CEP112: variants seen among roughly 807,000 people sequenced by gnomAD.
The protein encoded by CEP112 is centrosomal protein of 112 kDa.
CEP112 carries 127 observed loss-of-function variants against 153.0 expected under a neutral mutation model. That is an observed-to-expected ratio of 0.83 (90% CI 0.72 to 0.96). The LOEUF (loss-of-function observed/expected upper bound fraction) is 0.96. CEP112 is among the 40% of genes least tolerant of loss of function. CEP112 has a pLI of 0.00. For synonymous variants in CEP112, 358 were observed against 374.4 expected, an observed-to-expected ratio of 0.96 and a Z score of 0.51; for missense variants, 1,089 against 1,101.2, an observed-to-expected ratio of 0.99 and a Z score of 0.16.
chr17:65,790,190 T>G (rs1174727901), intron 21 of CEP112, among the ~76,000 whole-genome samples: 1 of 152,162 alleles, frequency 6.6e-6, no homozygotes, highest in Non-Finnish European at 1.5e-5. Flanking sequence ...TTGACATTTG[T>G]GTCCTAAAGG....
In CEP112 at chr17:65,664,557, G is replaced by A. The variant is rs180744095; in HGVS notation, c.2698-23492C>T. 1.7e-3 allele frequency among the ~76,000 whole-genome samples: 262 copies of A among 152,322 alleles called. 1 individual carries two copies. Among genetic ancestry groups the A allele is most frequent in the South Asian group, 0.012 (58 of 4,824 alleles). Reference sequence around the variant, plus strand: ...TCCAAGGTGATTAAGAGTCAAAGATGTCCATGGGGAGAACGGAGATGATGA... The same window carrying A: ...TCCAAGGTGATTAAGAGTCAAAGATATCCATGGGGAGAACGGAGATGATGA... On this transcript the variant is annotated intron_variant, in intron 24 of 26. Transcript: ENST00000535342.
At chr17:65,648,405 AG>A (rs2143529264) in intron 24 of CEP112, among the ~76,000 whole-genome samples, 1 of 152,366 alleles carries the variant, frequency 6.6e-6, no homozygotes, top group Non-Finnish European at 1.5e-5. Context: ...ATGTGACTAA[AG>A]GGCTGTGCCC....
At chr17:66,145,444 C>A (rs1254699873) in intron 4 of CEP112, among the ~76,000 whole-genome samples, 3 of 152,016 alleles carry the variant, frequency 2.0e-5, no homozygotes, top group African/African-American at 7.2e-5. Flanking sequence ...TTTTAGAAAT[C>A]TTTGCCTGTT....
At chr17:65,688,971 T>A (rs2047957290) in intron 24 of CEP112, 158 bp downstream of exon 24, 1 of 515,810 alleles carries the variant, frequency 1.9e-6, no homozygotes, top group Non-Finnish European at 3.5e-6. Context: ...TTTCACCATG[T>A]TGGCCAGGCT....
At chr17:65,745,642 G>C (rs917054349) in intron 22 of CEP112, among the ~76,000 whole-genome samples, 28 of 152,168 alleles carry the variant, frequency 1.8e-4, no homozygotes, top group African/African-American at 6.3e-4. Flanking sequence ...ATTCTGGAGA[G>C]AGAAGGAGGG....
chr17:65,723,432 A>G (rs1435459255), intron 23 of CEP112, among the ~76,000 whole-genome samples: 1 of 152,224 alleles, frequency 6.6e-6, no homozygotes, highest in Non-Finnish European at 1.5e-5. Flanking sequence ...AAAATGATTC[A>G]CTGTATTAAA....
Position 65,918,717 on chromosome 17 carries a change from TGGGTTATACA to T in CEP112, c.1980+8855_1980+8864del, listed in dbSNP as rs1465330485. Among the ~76,000 whole-genome samples the T allele has an allele frequency of 1.8e-4, 28 of 152,334 alleles. 1 individual carries two copies. The highest frequency in any genetic ancestry group is 1.5e-5 in the Non-Finnish European group (1 of 68,020). On this transcript the variant is annotated intron_variant, in intron 19 of 26. Transcript: ENST00000535342. ...AATTAGAATTGTCTTTTTGTTCCAATGGGTTATACAGGAAAGAAACAGGAAATCTTGATGA... is the reference window on the plus strand; with the variant it reads ...AATTAGAATTGTCTTTTTGTTCCAATGGAAAGAAACAGGAAATCTTGATGA...
chr17:66,147,504 G>C (rs1285199847), intron 4 of CEP112, among the ~76,000 whole-genome samples: 1 of 151,896 alleles, frequency 6.6e-6, no homozygotes, highest in Non-Finnish European at 1.5e-5. Context: ...GATGTAGATA[G>C]TTTTTAATTT....
chr17:65,650,027 C>T (rs1307307458), intron 24 of CEP112, among the ~76,000 whole-genome samples: 1 of 152,232 alleles, frequency 6.6e-6, no homozygotes, highest in Non-Finnish European at 1.5e-5. Flanking sequence ...GCCCTATCCA[C>T]CTGCTAACCT....
In CEP112 at chr17:66,063,032, G is replaced by T. The variant is rs139289670; in HGVS notation, c.1005C>A (p.Asp335Glu). 5 of 1,596,122 alleles carry T rather than the reference G, an allele frequency of 3.1e-6. No individual in the cohort carries two copies. The Admixed American group carries it at 5.2e-5, about 17-fold the overall frequency. The change falls in exon 11 of 27, where the codon GAC (aspartate) becomes GAA (glutamate). Residue 335 changes from aspartate to glutamate, a missense_variant. By Grantham distance (45) the Asp-to-Glu change is conservative. Coordinates refer to ENST00000535342, the MANE Select transcript of CEP112 (RefSeq NM_001199165.4). Reference sequence around the variant, plus strand: ...ATATCTTTTTCAGCTCTGCAATCTGGTCTTCTTTAGTCTCTCTGATAACTT... The same window carrying T: ...ATATCTTTTTCAGCTCTGCAATCTGTTCTTCTTTAGTCTCTCTGATAACTT... ...DCQVIRETKEDQIAELKKICE... is the reference protein window; with the variant it reads ...DCQVIRETKEEQIAELKKICE...
chr17:65,962,568 A>T lies in CEP112; in HGVS notation c.1737-970T>A, dbSNP rs188707906. ...CAATAGTTAACTTTGAATTCTAACT[A>T]GGCGCTGGGTATTGTGCAATGGAAT... On this transcript the variant is annotated intron_variant, in intron 17 of 26. Coordinates refer to ENST00000535342, the MANE Select transcript of CEP112 (RefSeq NM_001199165.4). Among the ~76,000 whole-genome samples the T allele has an allele frequency of 9.3e-4, 141 of 152,326 alleles. 4 individuals carry two copies. In the South Asian group the frequency reaches 0.025, roughly 28 times the overall value.
chr17:65,743,863 G>C (rs938180571), intron 22 of CEP112, among the ~76,000 whole-genome samples: 2 of 151,980 alleles, frequency 1.3e-5, no homozygotes. Context: ...CTGGGTTCAA[G>C]TGATTCTCCT....
chr17:66,156,709 A>G (rs1306582754), intron 4 of CEP112, among the ~76,000 whole-genome samples: 1 of 152,048 alleles, frequency 6.6e-6, no homozygotes, highest in Non-Finnish European at 1.5e-5. Flanking sequence ...GAGCTGAAAA[A>G]CGCAGCACGA....
intron 23 of CEP112, among the ~76,000 whole-genome samples, chr17:65,698,111 A>C (rs2048445804): frequency 6.6e-6 from 1 of 152,128 alleles, no homozygotes; most frequent in African/African-American, 2.4e-5. Context: ...AACCCTGATA[A>C]TTCTGTCTCT....
At chr17:66,087,056 C>G (rs2067967543) in intron 8 of CEP112, among the ~76,000 whole-genome samples, 1 of 152,042 alleles carries the variant, frequency 6.6e-6, no homozygotes, top group Admixed American at 6.6e-5. Flanking sequence ...AAAATGTACA[C>G]TGAATATATT....
chr17:66,049,283 G>A (rs2145900482), intron 12 of CEP112, among the ~76,000 whole-genome samples: 1 of 151,968 alleles, frequency 6.6e-6, no homozygotes, highest in East Asian at 1.9e-4. Context: ...AAAATATCTA[G>A]ATACCTCAAA....
chr17:66,073,137 T>C, intron 8 of CEP112, among the ~76,000 whole-genome samples: 1 of 152,212 alleles, frequency 6.6e-6, no homozygotes, highest in Non-Finnish European at 1.5e-5. Context: ...CTTGCAGATC[T>C]ACTTCAGGCT....
intron 4 of CEP112, among the ~76,000 whole-genome samples, chr17:66,140,719 T>C (rs2070655509): frequency 6.6e-6 from 1 of 152,170 alleles, no homozygotes; most frequent in South Asian, 2.1e-4. Flanking sequence ...CTTGGCTCAC[T>C]GCAACCTCCA....
intron 23 of CEP112, among the ~76,000 whole-genome samples, chr17:65,703,556 G>A (rs892497395): frequency 6.7e-6 from 1 of 149,770 alleles, no homozygotes; most frequent in African/African-American, 2.5e-5. Flanking sequence ...GTTCCTAGAG[G>A]CTACTCAAGG....
Sources: allele counts gnomAD v4.1 joint callset (sites outside exome capture counted in the v4.1 genomes callset), GRCh38; gene constraint gnomAD v4.1.1; transcripts MANE v1.5; gene names NCBI Gene and HGNC (gene_info 2026-07-23, HGNC 2026-07-21).